The following KCNK13 variants were observed in gnomAD, a reference collection of about 807,000 sequenced individuals.
KCNK13 encodes potassium channel subfamily K member 13.
A neutral mutation model predicts 23.4 loss-of-function variants in KCNK13; 12 were observed. The ratio of observed to expected loss-of-function variants is 0.51; its 90% confidence interval spans 0.33 to 0.83. KCNK13 has a LOEUF of 0.83. KCNK13 is among the 40% of genes least tolerant of loss of function. The pLI is 0.02. For synonymous variants in KCNK13, 231 were observed against 229.5 expected (o/e 1.01, Z -0.06); for missense variants, 463 against 556.3 (o/e 0.83, Z 1.69).
At chr14:90,141,300 A>T (rs1283055777) in intron 1 of KCNK13, among the ~76,000 whole-genome samples, 1 of 152,260 alleles carries the variant, frequency 6.6e-6, no homozygotes, top group Non-Finnish European at 1.5e-5. Flanking sequence ...GCTTTCTTGA[A>T]CTATAATTGA....
chr14:90,162,792 T>A (rs1195527540), intron 1 of KCNK13, among the ~76,000 whole-genome samples: 1 of 152,100 alleles, frequency 6.6e-6, no homozygotes, highest in African/African-American at 2.4e-5. Context: ...AAACAAAAAT[T>A]AAACTTTAGT....
intron 1 of KCNK13, among the ~76,000 whole-genome samples, chr14:90,136,693 C>T (rs1341643078): frequency 1.3e-5 from 2 of 152,134 alleles, no homozygotes; most frequent in African/African-American, 4.8e-5. Flanking sequence ...AGTCCTTCAT[C>T]TCTGTCCTGT....
chr14:90,087,154 A>ATATT (rs1282261147), intron 1 of KCNK13, among the ~76,000 whole-genome samples: 167 of 107,604 alleles, frequency 1.6e-3, no homozygotes, highest in East Asian at 8.0e-3. Context: ...ATATATATAT[A>ATATT]TTTTTTTTTT....
At chr14:90,119,331 A>G (rs1349571213) in intron 1 of KCNK13, among the ~76,000 whole-genome samples, 1 of 152,162 alleles carries the variant, frequency 6.6e-6, no homozygotes, top group African/African-American at 2.4e-5. Flanking sequence ...CCTGGCAGAG[A>G]TGCAACAAAA....
chr14:90,109,860 T>C (rs1381882431), intron 1 of KCNK13, among the ~76,000 whole-genome samples: 1 of 151,936 alleles, frequency 6.6e-6, no homozygotes, highest in African/African-American at 2.4e-5. Context: ...AGGCATGCAC[T>C]ACCACGACAA....
At position 90,087,154 on chromosome 14, in the gene KCNK13, A is replaced by ATATTTTTT. The variant is rs1282261147; in HGVS notation, c.334+24616_334+24617insATTTTTTT. 4.6e-5 allele frequency among the ~76,000 whole-genome samples: 5 copies of ATATTTTTT among 107,650 alleles called. No individual in the cohort carries two copies. In the East Asian group the frequency reaches 8.0e-4, roughly 17 times the overall value. 70.6% of individuals were successfully genotyped at this position (107,650 alleles called of 152,430 possible). ...CATATATATATATATATATATATAT[A>ATATTTTTT]TTTTTTTTTTTTATTGAGATGGGGC... On this transcript the variant is annotated intron_variant, in intron 1 of 1. Transcript: ENST00000282146.
In KCNK13 at chr14:90,108,300, G is replaced by A. The variant is rs992630350; in HGVS notation, c.334+45761G>A. Among the ~76,000 whole-genome samples, 6 of 152,068 alleles carry A rather than the reference G, an allele frequency of 3.9e-5. No individual in the cohort carries two copies. In the East Asian group the frequency reaches 5.8e-4, roughly 15 times the overall value. ...GCACGCGTTTCTTACTGTTCTCCACGTGTCGGCATGCCTCTGCCTCTAAGC... is the reference window on the plus strand; with the variant it reads ...GCACGCGTTTCTTACTGTTCTCCACATGTCGGCATGCCTCTGCCTCTAAGC... On this transcript the variant is annotated intron_variant, in intron 1 of 1. Coordinates refer to ENST00000282146, the MANE Select transcript of KCNK13 (RefSeq NM_022054.4).
chr14:90,102,819 T>C (rs7148793), intron 1 of KCNK13, among the ~76,000 whole-genome samples: 53,750 of 151,950 alleles, frequency 0.35, 9,817 homozygotes, highest in East Asian at 0.42. Context: ...ATTTTTTTCC[T>C]CCAACTTTTA....
chr14:90,100,579 T>G (rs1431377645), intron 1 of KCNK13, among the ~76,000 whole-genome samples: 1 of 152,180 alleles, frequency 6.6e-6, no homozygotes, highest in Non-Finnish European at 1.5e-5. Context: ...TTTCATCAGA[T>G]TAGTAGTGGC....
chr14:90,184,724 A>G lies in KCNK13; in HGVS notation c.948A>G (p.Pro316=). The G allele has an allele frequency of 6.2e-7, 1 of 1,614,202 alleles. No individual in the cohort carries two copies. The highest frequency in any genetic ancestry group is 8.5e-7 in the Non-Finnish European group (1 of 1,180,046). ...GATCACGCAGGAACGTGGTGATGCC[A>G]GGCAGCGTCCGGAACCGCTGCAACA... The part of the protein sequence containing the change: ...LLRSRRNVVM[P]GSVRNRCNIS... Residue 316 remains proline (P), a synonymous_variant, in exon 2 of 2, where the codon CCA becomes CCG. Coordinates refer to ENST00000282146, the MANE Select transcript of KCNK13 (RefSeq NM_022054.4). This position sits in a 1 kb window ranked among gnomAD's most constrained non-coding sequence, Gnocchi z 5.6.
chr14:90,154,342 C>T (rs1890170383), intron 1 of KCNK13, among the ~76,000 whole-genome samples: 4 of 151,088 alleles, frequency 2.6e-5, no homozygotes, highest in Admixed American at 2.6e-4. Flanking sequence ...CCATGCTCTC[C>T]CACCCATAAT....
chr14:90,126,839 C>T (rs949716047), intron 1 of KCNK13, among the ~76,000 whole-genome samples: 14 of 152,140 alleles, frequency 9.2e-5, no homozygotes, highest in Non-Finnish European at 1.8e-4. Context: ...CACGGTGCCC[C>T]GCCTCCAGTC....
chr14:90,157,310 G>A (rs567330763), intron 1 of KCNK13, among the ~76,000 whole-genome samples: 10 of 152,204 alleles, frequency 6.6e-5, no homozygotes, highest in Admixed American at 2.6e-4. Context: ...TGCTGTACTC[G>A]TGCAGGCCCT....
chr14:90,102,172 C>T (rs1309099545), intron 1 of KCNK13, among the ~76,000 whole-genome samples: 5 of 152,120 alleles, frequency 3.3e-5, no homozygotes, highest in Non-Finnish European at 5.9e-5. Flanking sequence ...CATGAGCCAA[C>T]GTGCCCAGCC....
At chr14:90,132,087 A>G (rs140852477) in intron 1 of KCNK13, among the ~76,000 whole-genome samples, 72 of 152,376 alleles carry the variant, frequency 4.7e-4, no homozygotes, top group Non-Finnish European at 6.3e-4. Context: ...ACAATGGAAT[A>G]TCATTTAGCC....
chr14:90,115,324 C>G (rs1889663648), intron 1 of KCNK13, among the ~76,000 whole-genome samples: 1 of 152,158 alleles, frequency 6.6e-6, no homozygotes, highest in Non-Finnish European at 1.5e-5. Flanking sequence ...CAGCCCGCTC[C>G]TGCTGGTCAC....
rs921425610 is a variant in KCNK13, at chr14:90,062,944, C to T, written c.334+405C>T. On this transcript the variant is annotated intron_variant, in intron 1 of 1. Transcript: ENST00000282146. This position sits in a 1 kb window ranked among gnomAD's most constrained non-coding sequence, Gnocchi z 4.5. Reference sequence around the variant, plus strand: ...TTACAGATAGGGACAGGAAACTAAACATTTACTGAGTCAGTCAGAGGGGAA... The same window carrying T: ...TTACAGATAGGGACAGGAAACTAAATATTTACTGAGTCAGTCAGAGGGGAA... Among the ~76,000 whole-genome samples the T allele has an allele frequency of 6.6e-6, 1 of 152,100 alleles. No homozygotes were observed. Among genetic ancestry groups the T allele is most frequent in the African/African-American group, 2.4e-5 (1 of 41,408 alleles).
chr14:90,170,379 A>G (rs1890351130), intron 1 of KCNK13, among the ~76,000 whole-genome samples: 1 of 151,844 alleles, frequency 6.6e-6, no homozygotes, highest in Admixed American at 6.6e-5. Flanking sequence ...ACACCCAGCT[A>G]ATTTTTGTAT....
chr14:90,125,273 G>T (rs1438853249), intron 1 of KCNK13, among the ~76,000 whole-genome samples: 2 of 151,392 alleles, frequency 1.3e-5, no homozygotes, highest in African/African-American at 4.9e-5. Context: ...GCCGAGGCTG[G>T]AGTGCAGTGG....
Sources: gnomAD v4.1 joint callset for allele counts (sites outside exome capture counted in the v4.1 genomes callset) on GRCh38, gnomAD v4.1.1 for gene constraint, Gnocchi (gnomAD v3.1) non-coding constraint, MANE v1.5 for transcripts, NCBI Gene and HGNC (gene_info 2026-07-23, HGNC 2026-07-21) for gene names.